Variants in SPATA13 observed in about 807,000 individuals in gnomAD.
SPATA13 encodes spermatogenesis associated 13.
SPATA13 carries 50 observed loss-of-function variants against 104.0 expected under a neutral mutation model. That is an observed-to-expected ratio of 0.48 (90% confidence interval 0.38 to 0.61). The LOEUF is 0.61. Among genes scored for constraint, SPATA13 ranks in the 20% least tolerant of loss-of-function variants. The pLI, the probability that SPATA13 is intolerant of heterozygous loss-of-function variation, is 0.00. For synonymous variants in SPATA13, 606 were observed against 667.5 expected, an observed-to-expected ratio of 0.91 and a Z score of 1.42; for missense variants, 1,524 against 1,690.6, an observed-to-expected ratio of 0.90 and a Z score of 1.73.
In SPATA13 at chr13:24,257,088, C is replaced by T. The variant is rs561943998; in HGVS notation, c.2164+5226C>T. ...CATTGGGTTCCAACCATACTTCTTCCTTTAACCGGTCTGTTTATGTTGATC... is the reference window on the plus strand; with the variant it reads ...CATTGGGTTCCAACCATACTTCTTCTTTTAACCGGTCTGTTTATGTTGATC... On this transcript the variant is annotated intron_variant, in intron 4 of 12. Transcript: ENST00000382108. 1.5e-3 allele frequency among the ~76,000 whole-genome samples: 224 copies of T among 152,328 alleles called. 1 individual carries two copies. The highest frequency in any genetic ancestry group is 3.4e-3 in the Middle Eastern group (1 of 294).
rs542962821 is a variant in SPATA13, at chr13:24,202,389, G to A, written c.-111-20430G>A. 7.9e-5 allele frequency among the ~76,000 whole-genome samples: 12 copies of A among 152,192 alleles called. No individual in the cohort carries two copies. In the South Asian group the frequency reaches 1.7e-3, roughly 21 times the overall value. Reference sequence around the variant, plus strand: ...AGCAGTAAATGTGGTGCCCACAGTCGTAAAGGACAGTTGATTCTGCAGGGA... The same window carrying A: ...AGCAGTAAATGTGGTGCCCACAGTCATAAAGGACAGTTGATTCTGCAGGGA... On this transcript the variant is annotated intron_variant, in intron 1 of 12. Coordinates refer to ENST00000382108, the MANE Select transcript of SPATA13 (RefSeq NM_001166271.3).
At chr13:24,081,624 T>C (rs953322614) in intron 3 of SPATA13, among the ~76,000 whole-genome samples, 1 of 152,268 alleles carries the variant, frequency 6.6e-6, no homozygotes, top group South Asian at 2.1e-4. Flanking sequence ...TAGTGAGCTA[T>C]GATTGCACAA....
intron 3 of SPATA13, among the ~76,000 whole-genome samples, chr13:24,134,937 T>C (rs1273664864): frequency 6.6e-6 from 1 of 152,174 alleles, no homozygotes; most frequent in Non-Finnish European, 1.5e-5. Flanking sequence ...CAATCCAACA[T>C]GACTGGTGTC....
At chr13:24,298,479 C>T (rs998810404) in intron 11 of SPATA13, among the ~76,000 whole-genome samples, 2 of 152,222 alleles carry the variant, frequency 1.3e-5, no homozygotes, top group African/African-American at 2.4e-5. Context: ...CTGAAGCTGC[C>T]ATGCCTGGCA....
intron 1 of SPATA13, among the ~76,000 whole-genome samples, chr13:24,173,875 T>C (rs1385538512): frequency 1.3e-5 from 2 of 152,240 alleles, no homozygotes; most frequent in African/African-American, 2.4e-5. Flanking sequence ...AATTCTGTTT[T>C]GTTAAGCATT....
At chr13:24,013,720 T>C (rs1876582218) in intron 2 of SPATA13, among the ~76,000 whole-genome samples, 1 of 151,706 alleles carries the variant, frequency 6.6e-6, no homozygotes, top group Non-Finnish European at 1.5e-5. Context: ...TTTTTTTTTT[T>C]TTGCCCCAGA....
At chr13:24,037,946 C>A (rs57356256) in intron 3 of SPATA13, among the ~76,000 whole-genome samples, 1 of 152,068 alleles carries the variant, frequency 6.6e-6, no homozygotes, top group East Asian at 1.9e-4. Context: ...GAGTCTCGCT[C>A]TGTCACCCAG....
chr13:24,091,020 CTTAG>C (rs1321442198), intron 3 of SPATA13, among the ~76,000 whole-genome samples: 1 of 152,206 alleles, frequency 6.6e-6, no homozygotes, highest in African/African-American at 2.4e-5. Context: ...GAAGTCTCTG[CTTAG>C]TTAGCCTAGT....
intron 9 of SPATA13, among the ~76,000 whole-genome samples, chr13:24,293,022 A>AAAAAT (rs35053977): frequency 1.0e-4 from 14 of 134,818 alleles, no homozygotes; most frequent in Non-Finnish European, 2.0e-4. Flanking sequence ...AAAAAAAAAA[A>AAAAAT]GGCGAGGGTG....
intron 3 of SPATA13, among the ~76,000 whole-genome samples, chr13:24,149,140 C>T (rs541445257): frequency 2.2e-4 from 34 of 152,312 alleles, no homozygotes; most frequent in African/African-American, 8.2e-4. Flanking sequence ...CTGTCTGCCC[C>T]CTGCCTGTTG....
intron 3 of SPATA13, among the ~76,000 whole-genome samples, chr13:24,044,257 G>A (rs867292130): frequency 3.9e-5 from 5 of 128,612 alleles, no homozygotes; most frequent in East Asian, 2.4e-4. Context: ...TTTTTGAGAC[G>A]TAGTCTTGCT....
intron 1 of SPATA13, among the ~76,000 whole-genome samples, chr13:24,197,424 C>T (rs926853111): frequency 2.0e-5 from 3 of 152,122 alleles, no homozygotes; most frequent in Non-Finnish European, 4.4e-5. Flanking sequence ...ATTTATTTAG[C>T]TCATCAATGA....
At chr13:24,133,495 C>T (rs1021830039) in intron 3 of SPATA13, among the ~76,000 whole-genome samples, 3 of 152,262 alleles carry the variant, frequency 2.0e-5, no homozygotes, top group African/African-American at 7.2e-5. Context: ...GAACTAGATA[C>T]CCCTGCTGAG....
intron 1 of SPATA13, among the ~76,000 whole-genome samples, chr13:24,186,931 T>A (rs1869187788): frequency 6.6e-6 from 1 of 152,242 alleles, no homozygotes; most frequent in Admixed American, 6.5e-5. Flanking sequence ...CTTAACATGC[T>A]GTTTAGTTAA....
intron 3 of SPATA13, among the ~76,000 whole-genome samples, chr13:24,113,747 A>G (rs9578683): frequency 0.2 from 30,723 of 150,618 alleles, 5,112 homozygotes; most frequent in African/African-American, 0.45. Flanking sequence ...GTGCATGCCT[A>G]TAATCCCACC....
chr13:24,173,526 G>A (rs1176615490), intron 1 of SPATA13, among the ~76,000 whole-genome samples: 1 of 69,882 alleles, frequency 1.4e-5, no homozygotes, highest in Non-Finnish European at 3.1e-5. Context: ...TTTTTTTTTT[G>A]GCCTTATTGC....
At chr13:24,116,534 C>G (rs1161434787) in intron 3 of SPATA13, among the ~76,000 whole-genome samples, 1 of 152,196 alleles carries the variant, frequency 6.6e-6, no homozygotes, top group Non-Finnish European at 1.5e-5. Context: ...ATCTCCTGCA[C>G]TTGATCTTCA....
intron 3 of SPATA13, among the ~76,000 whole-genome samples, chr13:24,083,120 G>A (rs1476912328): frequency 6.6e-6 from 1 of 152,228 alleles, no homozygotes; most frequent in Non-Finnish European, 1.5e-5. Flanking sequence ...AGGTGGACAG[G>A]CATTCATTCC....
intron 3 of SPATA13, among the ~76,000 whole-genome samples, chr13:24,139,423 A>G (rs901862093): frequency 1.3e-5 from 2 of 152,220 alleles, no homozygotes; most frequent in African/African-American, 2.4e-5. Flanking sequence ...GGACGTTCTG[A>G]CAGAGAAGAA....
Sources: gnomAD v4.1 joint callset for allele counts (sites outside exome capture counted in the v4.1 genomes callset) on GRCh38, gnomAD v4.1.1 for gene constraint, MANE v1.5 for transcripts, NCBI Gene and HGNC (gene_info 2026-07-23, HGNC 2026-07-21) for gene names.